RASSF3: variants seen among roughly 807,000 people sequenced by gnomAD.
RASSF3 encodes Ras association domain family member 3, also known as ras association domain-containing protein 3.
A neutral mutation model predicts 19.9 loss-of-function variants in RASSF3; 19 were observed. That is an observed-to-expected ratio of 0.96 (90% CI 0.67 to 1.40). RASSF3 has a LOEUF of 1.40. Ranked by LOEUF, RASSF3 falls within the 40% of genes most tolerant of loss-of-function variation. RASSF3 has a pLI of 0.00. For missense variants in RASSF3, 306 were observed against 289.8 expected (o/e 1.06, Z -0.41); for synonymous variants, 110 against 104.2 (o/e 1.06, Z -0.34).
At chr12:64,532,846 A>G (rs1335088321), upstream of RASSF3, among the ~76,000 whole-genome samples, 1 of 152,048 alleles carries the variant, frequency 6.6e-6, no homozygotes, top group African/African-American at 2.4e-5. Context: ...AAACAACAGC[A>G]TCAGCAAACT....
intron 2 of RASSF3, among the ~76,000 whole-genome samples, chr12:64,576,760 A>T (rs1468436156): frequency 6.8e-6 from 1 of 147,020 alleles, no homozygotes; most frequent in Non-Finnish European, 1.5e-5. Flanking sequence ...CTGAGGTGGG[A>T]TGGGAGCCTC....
chr12:64,603,163 C>CT (rs549257057), intron 2 of RASSF3, among the ~76,000 whole-genome samples: 6,322 of 149,856 alleles, frequency 0.042, 460 homozygotes, highest in African/African-American at 0.15. Context: ...GTTTCTTTAA[C>CT]TTTTTTTTTT....
In RASSF3 at chr12:64,684,858, C is replaced by A. The variant is rs370330346; in HGVS notation, c.183C>A (p.Tyr61Ter). The A allele has an allele frequency of 5.6e-6, 9 of 1,613,038 alleles. No homozygotes were observed. Among genetic ancestry groups the A allele is most frequent in the African/African-American group, 1.3e-5 (1 of 74,922 alleles). Residue 61 changes from tyrosine to a stop codon, truncating the protein, a stop_gained, in exon 2 of 5, where the codon TAC becomes TAA. Transcript: ENST00000542104. LOFTEE classifies it high-confidence loss of function. ...AGATCAAAGAGAAAGTTCATAAATA[C>A]AACTTAGCAGTCACAGACAAGTTGA... ...KEEIKEKVHK[Y>*]NLAVTDKLKM...
intron 1 of RASSF3, among the ~76,000 whole-genome samples, chr12:64,641,502 GTAAC>G (rs1246405697): frequency 6.7e-6 from 1 of 148,422 alleles, no homozygotes; most frequent in Non-Finnish European, 1.5e-5. Flanking sequence ...TTTTGAGAAA[GTAAC>G]TGACTCCAGC....
intron 2 of RASSF3, among the ~76,000 whole-genome samples, chr12:64,579,315 G>C (rs999883112): frequency 7.7e-6 from 1 of 130,392 alleles, no homozygotes; most frequent in African/African-American, 2.5e-5. Flanking sequence ...CTATTATTTG[G>C]GGGAAGGGAA....
intron 1 of RASSF3, among the ~76,000 whole-genome samples, chr12:64,659,436 G>T (rs1872268094): frequency 2.0e-5 from 3 of 152,144 alleles, no homozygotes; most frequent in South Asian, 4.1e-4. Context: ...GGTGAATTCC[G>T]AGGCGGTCTG....
chr12:64,651,670 G>T (rs901502891), intron 1 of RASSF3, among the ~76,000 whole-genome samples: 1 of 151,898 alleles, frequency 6.6e-6, no homozygotes, highest in Non-Finnish European at 1.5e-5. Flanking sequence ...GGTTGTTGTT[G>T]TTTTTGTTTG....
At chr12:64,535,689 CTT>C (rs34094654) in intron 1 of RASSF3, among the ~76,000 whole-genome samples, 19 of 137,486 alleles carry the variant, frequency 1.4e-4, no homozygotes, top group Non-Finnish European at 1.4e-4. Context: ...TTTGTTTTCA[CTT>C]TTTTTTTTTT....
At chr12:64,583,709 G>A (rs372669975) in intron 2 of RASSF3, among the ~76,000 whole-genome samples, 4 of 151,946 alleles carry the variant, frequency 2.6e-5, no homozygotes, top group East Asian at 1.9e-4. Context: ...TCTCTGCCTC[G>A]GTTTCCATCC....
intron 2 of RASSF3, among the ~76,000 whole-genome samples, chr12:64,554,507 G>A (rs1869221239): frequency 6.6e-6 from 1 of 152,194 alleles, no homozygotes; most frequent in South Asian, 2.1e-4. Context: ...GTTTCGCCAT[G>A]TTGGCCAGGC....
intron 2 of RASSF3, among the ~76,000 whole-genome samples, chr12:64,575,999 C>T (rs952245025): frequency 3.9e-5 from 6 of 151,926 alleles, no homozygotes; most frequent in Non-Finnish European, 5.9e-5. Context: ...AAGCAATTCT[C>T]CTACCTCAGC....
At chr12:64,507,375 T>G (rs189852660) in intron 1 of RASSF3, 2 of 397,584 alleles carry the variant, frequency 5.0e-6, no homozygotes, top group African/African-American at 4.1e-5. Flanking sequence ...CGTTTTTTTG[T>G]GTGTGTGTGT....
chr12:64,608,283 G>GA (rs1390030357), upstream of RASSF3, among the ~76,000 whole-genome samples: 2 of 151,974 alleles, frequency 1.3e-5, no homozygotes, highest in African/African-American at 4.8e-5. Context: ...ATAATACAAT[G>GA]AAAAAAATCA....
intron 2 of RASSF3, among the ~76,000 whole-genome samples, chr12:64,578,364 G>T (rs1429067645): frequency 6.6e-6 from 1 of 151,804 alleles, no homozygotes; most frequent in East Asian, 2.0e-4. Context: ...CATTTTAAGA[G>T]ATAATTAGGC....
chr12:64,661,296 C>T (rs1872348640), intron 1 of RASSF3, among the ~76,000 whole-genome samples: 1 of 152,062 alleles, frequency 6.6e-6, no homozygotes, highest in Non-Finnish European at 1.5e-5. Flanking sequence ...CACTTGAGCC[C>T]AAAAGTTTGA....
At position 64,523,336 on chromosome 12, in the gene RASSF3, G is replaced by A. The variant is rs181686619; in HGVS notation, c.169+16007G>A. On this transcript the variant is annotated intron_variant, in intron 1 of 5. Coordinates refer to the RASSF3 transcript ENST00000637125. ...CAGGAGAATCTCTTGAACCCGGGAG[G>A]TAGAGGTTGCAGTGAGCCAAGATCA... Among the ~76,000 whole-genome samples the A allele has an allele frequency of 1.3e-3, 198 of 152,232 alleles. 1 individual carries two copies. In the East Asian group the frequency reaches 0.029, roughly 22 times the overall value.
At position 64,696,988 on chromosome 12, in the gene RASSF3, T is replaced by G. The variant is rs1428213451; in HGVS notation, c.*2076T>G. On this transcript the variant is annotated 3_prime_UTR_variant, in exon 5 of 5. Transcript: ENST00000542104. ...AATTATTCATCCCAGTAAACTTATA[T>G]TTTGTGAAGCATTTGTTTCTCAGAT... 1.3e-5 allele frequency: 2 copies of G among 152,164 alleles called. No individual in the cohort carries two copies. Among genetic ancestry groups the G allele is most frequent in the African/African-American group, 2.4e-5 (1 of 41,438 alleles). The allele number at this position is 152,164 out of a possible 1,614,324, so 9.4% of individuals were successfully genotyped here.
intron 2 of RASSF3, among the ~76,000 whole-genome samples, chr12:64,590,337 A>G (rs1285817316): frequency 6.6e-6 from 1 of 152,190 alleles, no homozygotes; most frequent in Non-Finnish European, 1.5e-5. Flanking sequence ...CTCTATAGGA[A>G]GGAATGAGGC....
intron 2 of RASSF3, among the ~76,000 whole-genome samples, chr12:64,571,780 T>C (rs1869523216): frequency 6.6e-6 from 1 of 152,132 alleles, no homozygotes; most frequent in Non-Finnish European, 1.5e-5. Context: ...ACAAATTCTG[T>C]CCATATGGTG....
Sources: gnomAD v4.1 joint callset for allele counts (sites outside exome capture counted in the v4.1 genomes callset) on GRCh38, gnomAD v4.1.1 for gene constraint, MANE v1.5 for transcripts, NCBI Gene and HGNC (gene_info 2026-07-23, HGNC 2026-07-21) for gene names.